The following MAX variants were observed in gnomAD, a reference collection of about 807,000 sequenced individuals.
MAX encodes the protein MYC associated transcriptional regulator X, also known as protein max.
A neutral mutation model predicts 22.3 loss-of-function variants in MAX; 3 were observed. The observed-to-expected ratio is 0.13, with a 90% CI of 0.06 to 0.35. MAX has a LOEUF of 0.35. Among genes scored for constraint, MAX ranks in the 10% least tolerant of loss-of-function variants. MAX has a pLI of 1.00. For missense variants in MAX, 119 were observed against 209.4 expected (o/e 0.57, Z 2.66); for synonymous variants, 72 against 77.7 (o/e 0.93, Z 0.39).
Position 65,030,810 on chromosome 14 carries a change from T to A in MAX, c.172-24526A>T, listed in dbSNP as rs1257587415. On this transcript the variant is annotated intron_variant, in intron 3 of 3. Transcript: ENST00000341653. This position sits in a 1 kb window ranked among gnomAD's most constrained non-coding sequence, Gnocchi z 4.5. ...TTAGGAGCCCTTAGGAATATACTTT[T>A]TGTTTGTTTTGTTTTGAGATGGAGT... 6.6e-6 allele frequency among the ~76,000 whole-genome samples: 1 copy of A among 152,062 alleles called. No homozygotes were observed. The highest frequency in any genetic ancestry group is 1.5e-5 in the Non-Finnish European group (1 of 67,998).
Position 65,077,471 on chromosome 14 carries a change from A to T in MAX, c.295+442T>A. ...GGCGGGTGTGAGCATTGAGAACAGCATGGGCCTAGCCCATAGGCTGCCCTG... is the reference window on the plus strand; with the variant it reads ...GGCGGGTGTGAGCATTGAGAACAGCTTGGGCCTAGCCCATAGGCTGCCCTG... On this transcript the variant is annotated intron_variant, in intron 4 of 4. Coordinates refer to ENST00000358664, the MANE Select transcript of MAX (RefSeq NM_002382.5). This position sits in a 1 kb window ranked among gnomAD's most constrained non-coding sequence, Gnocchi z 6.3. 1 of 1,332,042 alleles carries T rather than the reference A, an allele frequency of 7.5e-7. No individual in the cohort carries two copies. Among genetic ancestry groups the T allele is most frequent in the Non-Finnish European group, 1.1e-6 (1 of 922,528 alleles). 82.5% of individuals were successfully genotyped at this position (1,332,042 alleles called of 1,614,324 possible).
chr14:65,032,616 A>G lies in MAX; in HGVS notation c.172-26332T>C. On this transcript the variant is annotated intron_variant, in intron 3 of 3. Coordinates refer to the MAX transcript ENST00000341653. The surrounding 1 kb of genome is among the most constrained non-coding windows in gnomAD (Gnocchi z 5.0). ...CCCGTTTCTGTCTTTCCAGAAGCGC[A>G]TACTGTGCTGCCTCCGTAGCCTCGC... is the stretch of plus-strand genomic sequence containing the variant. 2.5e-6 allele frequency: 4 copies of G among 1,613,766 alleles called. No individual in the cohort carries two copies. Among genetic ancestry groups the G allele is most frequent in the Non-Finnish European group, 2.5e-6 (3 of 1,179,966 alleles).
At chr14:65,024,444 T>C (rs2061944043) in intron 3 of MAX, among the ~76,000 whole-genome samples, 1 of 152,216 alleles carries the variant, frequency 6.6e-6, no homozygotes, top group Admixed American at 6.5e-5. Flanking sequence ...AGGCCCAGGA[T>C]CTTTTCCACC....
chr14:65,074,989 G>T, downstream of MAX: 1 of 861,542 alleles, frequency 1.2e-6, no homozygotes, highest in Non-Finnish European at 1.4e-6. Context: ...CTGGCTTATG[G>T]CTGCTCCTGG....
In MAX at chr14:65,062,588, C is replaced by G. The variant is rs992347160; in HGVS notation, c.171+31120G>C. ...CTGGCCATTTGCTGCCTCTAATTCCCTTTTGCTTTGCCATATTGGGCTATG... is the reference window on the plus strand; with the variant it reads ...CTGGCCATTTGCTGCCTCTAATTCCGTTTTGCTTTGCCATATTGGGCTATG... On this transcript the variant is annotated intron_variant, in intron 3 of 3. Coordinates refer to the MAX transcript ENST00000341653. This position sits in a 1 kb window ranked among gnomAD's most constrained non-coding sequence, Gnocchi z 4.3. The G allele has an allele frequency of 6.5e-6, 1 of 152,698 alleles. No individual in the cohort carries two copies. Among genetic ancestry groups the G allele is most frequent in the Non-Finnish European group, 1.5e-5 (1 of 68,056 alleles). The allele number at this position is 152,698 out of a possible 1,614,324, so 9.5% of individuals were successfully genotyped here.
intron 3 of MAX, among the ~76,000 whole-genome samples, chr14:65,019,498 C>T (rs530273479): frequency 9.0e-6 from 1 of 110,788 alleles, no homozygotes; most frequent in East Asian, 2.8e-4. Flanking sequence ...AAAAAACAAA[C>T]AAACAAAACA....
rs2063225042 is a variant in MAX, at chr14:65,082,558, G to A, written c.172-4522C>T. On this transcript the variant is annotated intron_variant, in intron 3 of 4. Transcript: ENST00000358664. This position sits in a 1 kb window ranked among gnomAD's most constrained non-coding sequence, Gnocchi z 4.8. The stretch of plus-strand genomic sequence containing the variant: ...GTGGGAGGATCACTAGGGCTCAGGT[G>A]TTGGGGACCAGCCTAGAAAACACAG... 6.6e-6 allele frequency among the ~76,000 whole-genome samples: 1 copy of A among 152,140 alleles called. No individual in the cohort carries two copies. The highest frequency in any genetic ancestry group is 2.4e-5 in the African/African-American group (1 of 41,428).
Position 65,061,484 on chromosome 14 carries a change from CAG to C in MAX, c.171+32222_171+32223del. 8.4e-6 allele frequency: 10 copies of C among 1,191,162 alleles called. No homozygotes were observed. In the South Asian group the frequency reaches 1.5e-4, roughly 18 times the overall value. The allele number at this position is 1,191,162 out of a possible 1,614,324, so 73.8% of individuals were successfully genotyped here. On this transcript the variant is annotated intron_variant, in intron 3 of 3. Transcript: ENST00000341653. Reference sequence around the variant, plus strand: ...CCAATGGCTCTGGGTTTGGAGAACACAGTGGCTGGTTTTAAAAATTCTTTCCA... The same window carrying C: ...CCAATGGCTCTGGGTTTGGAGAACACTGGCTGGTTTTAAAAATTCTTTCCA...
intron 2 of MAX, among the ~76,000 whole-genome samples, chr14:65,098,612 T>G (rs2139933717): frequency 6.6e-6 from 1 of 152,330 alleles, no homozygotes; most frequent in African/African-American, 2.4e-5. Flanking sequence ...CCTTGCAATA[T>G]AATATACCTG....
intron 3 of MAX, among the ~76,000 whole-genome samples, chr14:65,020,872 C>T (rs755468031): frequency 6.6e-6 from 1 of 151,422 alleles, no homozygotes; most frequent in African/African-American, 2.4e-5. Context: ...GCTAGGATTA[C>T]AGGGGTGTGC....
downstream of MAX, among the ~76,000 whole-genome samples, chr14:65,074,402 G>C (rs1486102285): frequency 3.3e-5 from 5 of 152,112 alleles, no homozygotes; most frequent in African/African-American, 1.2e-4. Flanking sequence ...ATCTGCCCCA[G>C]CTCCCATTAA....
chr14:65,061,299 C>A lies in MAX; in HGVS notation c.171+32409G>T, dbSNP rs537007970. On this transcript the variant is annotated intron_variant, in intron 3 of 3. Transcript: ENST00000341653. Reference sequence around the variant, plus strand: ...CTTAAGGATGAGACATCGGCAGAGCCTGCAACCGACTAGAGGACCTGGGTC... The same window carrying A: ...CTTAAGGATGAGACATCGGCAGAGCATGCAACCGACTAGAGGACCTGGGTC... 308 of 1,613,910 alleles carry A rather than the reference C, an allele frequency of 1.9e-4. 2 individuals carry two copies. In the South Asian group the frequency reaches 3.3e-3, roughly 17 times the overall value.
intron 3 of MAX, among the ~76,000 whole-genome samples, chr14:65,080,585 A>G (rs186825354): frequency 6.6e-6 from 1 of 152,214 alleles, no homozygotes; most frequent in African/African-American, 2.4e-5. Flanking sequence ...AGCTGCAGAC[A>G]CATTTCTCAC....
At position 65,027,735 on chromosome 14, in the gene MAX, C is replaced by A; in HGVS notation, c.172-21451G>T. ...TCAGTATTTGTACTCCCTGAAGCAACCTGACGGCTCCTTTCTCATGCATGT... is the reference window on the plus strand; with the variant it reads ...TCAGTATTTGTACTCCCTGAAGCAAACTGACGGCTCCTTTCTCATGCATGT... On this transcript the variant is annotated intron_variant, in intron 3 of 3. Coordinates refer to the MAX transcript ENST00000341653. This position sits in a 1 kb window ranked among gnomAD's most constrained non-coding sequence, Gnocchi z 5.7. The A allele has an allele frequency of 6.2e-7, 1 of 1,614,196 alleles. No homozygotes were observed. Among genetic ancestry groups the A allele is most frequent in the Non-Finnish European group, 8.5e-7 (1 of 1,180,040 alleles).
chr14:65,086,861 A>T (rs1356386714), intron 3 of MAX, among the ~76,000 whole-genome samples: 1 of 152,072 alleles, frequency 6.6e-6, no homozygotes, highest in Non-Finnish European at 1.5e-5. Context: ...AGGGCATGTC[A>T]GAGATCTTCA....
In MAX at chr14:65,101,574, TG is replaced by T; in HGVS notation, c.37-3del. On this transcript the variant is annotated splice_polypyrimidine_tract_variant and splice_region_variant and intron_variant, in intron 1 of 4. Transcript: ENST00000358664. The stretch of plus-strand genomic sequence containing the variant: ...AGATTGAAACCTCGGTTGCTCTTCC[TG>T]GAATAAGAGAGAAAAAAAAAAATAG... 1 of 1,602,492 alleles carries T rather than the reference TG, an allele frequency of 6.2e-7. No individual in the cohort carries two copies. Among genetic ancestry groups the T allele is most frequent in the Non-Finnish European group, 8.5e-7 (1 of 1,170,990 alleles).
chr14:65,037,542 A>G (rs2062230064), intron 3 of MAX, among the ~76,000 whole-genome samples: 1 of 140,490 alleles, frequency 7.1e-6, no homozygotes, highest in African/African-American at 2.6e-5. Context: ...TCAAGTGATC[A>G]TCCTCAGCCT....
At position 65,077,455 on chromosome 14, in the gene MAX, G is replaced by T; in HGVS notation, c.295+458C>A. 6.8e-7 allele frequency: 1 copy of T among 1,475,808 alleles called. No homozygotes were observed. Among genetic ancestry groups the T allele is most frequent in the Non-Finnish European group, 9.5e-7 (1 of 1,054,022 alleles). 91.4% of individuals were successfully genotyped at this position (1,475,808 alleles called of 1,614,324 possible). A position where few individuals can be genotyped will look rare whatever the true frequency, so the allele number is the denominator to read the frequency against. On this transcript the variant is annotated intron_variant, in intron 4 of 4. Coordinates refer to ENST00000358664, the MANE Select transcript of MAX (RefSeq NM_002382.5). The surrounding 1 kb of genome is among the most constrained non-coding windows in gnomAD (Gnocchi z 6.3). The stretch of plus-strand genomic sequence containing the variant: ...TGTGGTTGTAGGAAAAGGCGGGTGT[G>T]AGCATTGAGAACAGCATGGGCCTAG...
At chr14:65,053,219 A>G in intron 3 of MAX, 1 of 1,357,300 alleles carries the variant, frequency 7.4e-7, no homozygotes. Flanking sequence ...GCCCTTACTG[A>G]CCCTTTGCCC....
Sources: gnomAD v4.1 joint callset for allele counts (sites outside exome capture counted in the v4.1 genomes callset) on GRCh38, gnomAD v4.1.1 for gene constraint, Gnocchi (gnomAD v3.1) non-coding constraint, MANE v1.5 for transcripts, NCBI Gene and HGNC (gene_info 2026-07-23, HGNC 2026-07-21) for gene names.